The following HIPK3 variants were observed in gnomAD, a reference collection of about 807,000 sequenced individuals.
HIPK3 encodes the protein homeodomain-interacting protein kinase 3.
A neutral mutation model predicts 124.2 loss-of-function variants in HIPK3; 47 were observed. That is an observed-to-expected ratio of 0.38 (90% CI 0.30 to 0.48). The LOEUF (loss-of-function observed/expected upper bound fraction) is 0.48, where lower values mean the gene tolerates loss of function less well. Ranked by LOEUF, HIPK3 falls within the 20% of genes least tolerant of loss-of-function variation. The probability of loss-of-function intolerance (pLI) is 0.98; values close to 1 mark genes in which losing one functional copy is unlikely to be tolerated. For synonymous variants in HIPK3, 482 were observed against 515.2 expected (o/e 0.94, Z 0.87); for missense variants, 1,286 against 1,454.3 (o/e 0.88, Z 1.88).
At chr11:33,313,990 G>A (rs1199827289) in intron 2 of HIPK3, among the ~76,000 whole-genome samples, 2 of 152,050 alleles carry the variant, frequency 1.3e-5, no homozygotes, top group Non-Finnish European at 2.9e-5. Flanking sequence ...CTGAAGGTGT[G>A]CATGATGTTG....
intron 1 of HIPK3, among the ~76,000 whole-genome samples, chr11:33,270,514 GAT>G (rs1160213150): frequency 2.0e-5 from 3 of 151,954 alleles, no homozygotes; most frequent in African/African-American, 7.3e-5. Flanking sequence ...GTAAAAATAA[GAT>G]ATTAAAAAGA....
intron 1 of HIPK3, among the ~76,000 whole-genome samples, chr11:33,274,761 G>T (rs1259676114): frequency 2.0e-5 from 3 of 151,998 alleles, no homozygotes; most frequent in African/African-American, 7.3e-5. Context: ...TTAAAGATTT[G>T]TACTGGCAGG....
At chr11:33,261,142 A>T (rs914648078) in intron 1 of HIPK3, among the ~76,000 whole-genome samples, 3 of 146,972 alleles carry the variant, frequency 2.0e-5, no homozygotes, top group South Asian at 2.1e-4. Flanking sequence ...ATAAAATATA[A>T]AATATATTAT....
intron 2 of HIPK3, among the ~76,000 whole-genome samples, chr11:33,311,949 C>T (rs1050174587): frequency 1.7e-5 from 2 of 119,330 alleles, no homozygotes; most frequent in Non-Finnish European, 3.6e-5. Flanking sequence ...CACACACACA[C>T]GGGCAACATA....
chr11:33,258,503 T>A, intron 1 of HIPK3: 1 of 985,236 alleles, frequency 1.0e-6, no homozygotes, highest in Non-Finnish European at 1.2e-6. Context: ...AGAAATGTGA[T>A]CCGCGGCTCC....
intron 2 of HIPK3, among the ~76,000 whole-genome samples, chr11:33,302,405 C>G (rs959060856): frequency 1.4e-5 from 2 of 139,264 alleles, no homozygotes; most frequent in African/African-American, 5.2e-5. Context: ...GGCACAATGC[C>G]TACTCACTGC....
intron 1 of HIPK3, among the ~76,000 whole-genome samples, chr11:33,278,621 A>G (rs1851330095): frequency 6.6e-6 from 1 of 152,102 alleles, no homozygotes; most frequent in South Asian, 2.1e-4. Context: ...ATGATTTAAG[A>G]TACACGAGGT....
rs1850696681 is a variant in HIPK3, at chr11:33,257,472, C to T, written c.-420C>T. 1 of 985,860 alleles carries T rather than the reference C, an allele frequency of 1.0e-6. No individual in the cohort carries two copies. Among genetic ancestry groups the T allele is most frequent in the South Asian group, 4.7e-5 (1 of 21,298 alleles). 61.1% of individuals were successfully genotyped at this position (985,860 alleles called of 1,614,324 possible). On this transcript the variant is annotated 5_prime_UTR_variant, in exon 1 of 17. Transcript: ENST00000303296. ...CGCCGTCGCCACCACTCCCGCCAGT[C>T]TTCCTTCTCCGCTCCCGGCCGGGGC...
chr11:33,301,337 C>T (rs1015220356), intron 2 of HIPK3, among the ~76,000 whole-genome samples: 3 of 152,112 alleles, frequency 2.0e-5, no homozygotes, highest in Admixed American at 2.0e-4. Context: ...GTTAGTTCCT[C>T]CCCAAACTCC....
chr11:33,336,457 A>C (rs531955125), intron 3 of HIPK3, among the ~76,000 whole-genome samples: 1 of 152,190 alleles, frequency 6.6e-6, no homozygotes, highest in South Asian at 2.1e-4. Flanking sequence ...CTTCCTCTCT[A>C]TTCCCATTCA....
chr11:33,286,582 C>T lies in HIPK3; in HGVS notation c.168C>T (p.Pro56=). The change falls in exon 2 of 17, where the codon CCC becomes CCT. Residue 56 remains proline (P), a synonymous_variant. Coordinates refer to ENST00000303296, the MANE Select transcript of HIPK3 (RefSeq NM_005734.5). ...NGRNFGNSHP[P]TKGSAFQTKI... is the part of the protein sequence containing the mutation. ...GAAACTTTGGAAATTCTCATCCTCC[C>T]ACTAAGGGTAGTGCTTTTCAGACAA... 1 of 1,614,106 alleles carries T rather than the reference C, an allele frequency of 6.2e-7. No homozygotes were observed. The highest frequency in any genetic ancestry group is 8.5e-7 in the Non-Finnish European group (1 of 1,180,012).
intron 1 of HIPK3, chr11:33,258,551 G>T (rs1032572834): frequency 1.4e-5 from 14 of 985,384 alleles, no homozygotes; most frequent in Non-Finnish European, 1.7e-5. Flanking sequence ...CGTGGCGGCC[G>T]CGCGGCGGGG....
intron 1 of HIPK3, among the ~76,000 whole-genome samples, chr11:33,265,165 G>C (rs143178694): frequency 6.6e-6 from 1 of 152,296 alleles, no homozygotes; most frequent in Non-Finnish European, 1.5e-5. Context: ...AAATCACAAT[G>C]AAAATTACAG....
At chr11:33,319,784 G>C (rs1257400872) in intron 2 of HIPK3, among the ~76,000 whole-genome samples, 1 of 152,138 alleles carries the variant, frequency 6.6e-6, no homozygotes, top group Non-Finnish European at 1.5e-5. Context: ...TAAAGTTCTT[G>C]CCCCCATGGA....
chr11:33,294,978 CAA>C (rs1565069481), intron 2 of HIPK3, among the ~76,000 whole-genome samples: 4 of 152,100 alleles, frequency 2.6e-5, no homozygotes, highest in Non-Finnish European at 5.9e-5. Context: ...TCTCATGTCT[CAA>C]AATGGAGTCA....
At chr11:33,347,460 G>T (rs1465353325) in intron 9 of HIPK3, 46 bp downstream of exon 9, 1 of 1,609,620 alleles carries the variant, frequency 6.2e-7, no homozygotes, top group Non-Finnish European at 8.5e-7. Context: ...TGTGCTTTTG[G>T]GAAATAGTGA....
At chr11:33,344,242 A>C (rs931121433) in intron 8 of HIPK3, among the ~76,000 whole-genome samples, 12 of 152,162 alleles carry the variant, frequency 7.9e-5, no homozygotes, top group Admixed American at 2.6e-4. Context: ...AATTTTTTTT[A>C]ATCAGTTATT....
At chr11:33,270,192 C>T (rs1411454990) in intron 1 of HIPK3, among the ~76,000 whole-genome samples, 9 of 151,916 alleles carry the variant, frequency 5.9e-5, no homozygotes, top group South Asian at 4.2e-4. Context: ...TTAGCCAGGC[C>T]GGTCTCAAAC....
Position 33,341,048 on chromosome 11 carries a change from C to T in HIPK3, c.1694C>T (p.Ser565Leu). ...SCDTNNHNKT[S>L]LLRPVASSST... Reference sequence around the variant, plus strand: ...GACACAAATAATCACAACAAAACTTCACTTTTAAGACCAGTTGCTTCAAGC... The same window carrying T: ...GACACAAATAATCACAACAAAACTTTACTTTTAAGACCAGTTGCTTCAAGC... Residue 565 changes from serine to leucine, a missense_variant, in exon 7 of 17, where the codon TCA (serine) becomes TTA (leucine). Ser to Leu is a moderately radical substitution (Grantham distance 145). Coordinates refer to ENST00000303296, the MANE Select transcript of HIPK3 (RefSeq NM_005734.5). The T allele has an allele frequency of 6.2e-7, 1 of 1,611,208 alleles. No homozygotes were observed. The highest frequency in any genetic ancestry group is 8.5e-7 in the Non-Finnish European group (1 of 1,177,872).
Sources: allele counts gnomAD v4.1 joint callset (sites outside exome capture counted in the v4.1 genomes callset), GRCh38; gene constraint gnomAD v4.1.1; transcripts MANE v1.5; gene names NCBI Gene and HGNC (gene_info 2026-07-23, HGNC 2026-07-21).